The following CDK6 variants were observed in gnomAD, a reference collection of about 807,000 sequenced individuals.
The protein encoded by CDK6 is cyclin dependent kinase 6, also known as cyclin-dependent kinase 6.
Under a neutral mutation model 37.1 loss-of-function variants are expected in CDK6, and 6 were observed. The observed-to-expected ratio is 0.16, with a 90% confidence interval of 0.09 to 0.32. CDK6 has a LOEUF of 0.32. Ranked by LOEUF, CDK6 falls within the 10% of genes least tolerant of loss-of-function variation. The probability of loss-of-function intolerance (pLI) is 1.00; values close to 1 mark genes in which losing one functional copy is unlikely to be tolerated. For synonymous variants in CDK6, 160 were observed against 161.3 expected (o/e 0.99, Z 0.06); for missense variants, 224 against 418.9 (o/e 0.53, Z 4.06).
intron 4 of CDK6, among the ~76,000 whole-genome samples, chr7:92,720,812 T>A (rs2116699793): frequency 6.6e-6 from 1 of 152,288 alleles, no homozygotes; most frequent in East Asian, 1.9e-4. Context: ...GACTTAGAAA[T>A]GTTGACTTCA....
Position 92,611,291 on chromosome 7 carries a change from A to G in CDK6, c.*3849T>C, listed in dbSNP as rs1795557137. 1 of 224,790 alleles carries G rather than the reference A, an allele frequency of 4.4e-6. No homozygotes were observed. Among genetic ancestry groups the G allele is most frequent in the Non-Finnish European group, 8.8e-6 (1 of 113,132 alleles). The allele number at this position is 224,790 out of a possible 1,614,324, so 13.9% of individuals were successfully genotyped here. On this transcript the variant is annotated 3_prime_UTR_variant, in exon 8 of 8. Transcript: ENST00000424848. ...CATTCCAATATTTTCTTTCCAGGGT[A>G]AATATTCTGTAGTTTCTATACTAAC...
At chr7:92,758,654 T>C (rs1386955433) in intron 3 of CDK6, among the ~76,000 whole-genome samples, 1 of 152,206 alleles carries the variant, frequency 6.6e-6, no homozygotes, top group Non-Finnish European at 1.5e-5. Context: ...AAATAGTTTT[T>C]CTCCTAGTTC....
intron 4 of CDK6, among the ~76,000 whole-genome samples, chr7:92,672,204 C>CAG (rs1797100903): frequency 7.9e-6 from 1 of 126,676 alleles, no homozygotes; most frequent in Non-Finnish European, 1.6e-5. Context: ...CACACACACA[C>CAG]ACACACACAC....
At chr7:92,776,100 C>T (rs1009060738) in intron 2 of CDK6, among the ~76,000 whole-genome samples, 1 of 151,220 alleles carries the variant, frequency 6.6e-6, no homozygotes, top group African/African-American at 2.4e-5. Flanking sequence ...GCGATGTTCC[C>T]CTCCCTGTGT....
chr7:92,686,953 A>C lies in CDK6; in HGVS notation c.538-15418T>G, dbSNP rs183703024. Among the ~76,000 whole-genome samples the C allele has an allele frequency of 2.5e-4, 38 of 152,170 alleles. No individual in the cohort carries two copies. The East Asian group carries it at 6.7e-3, about 27-fold the overall frequency. Reference sequence around the variant, plus strand: ...AACTGTCTATTCATGTCCTTAGCCCACTTTTTCAAAGGAATGTTTGTGGTT... The same window carrying C: ...AACTGTCTATTCATGTCCTTAGCCCCCTTTTTCAAAGGAATGTTTGTGGTT... On this transcript the variant is annotated intron_variant, in intron 4 of 7. Transcript: ENST00000424848.
rs890691773 is a variant in CDK6, at chr7:92,835,812, G to T, written c.-368+666C>A. 6.6e-6 allele frequency among the ~76,000 whole-genome samples: 1 copy of T among 152,212 alleles called. No homozygotes were observed. Among genetic ancestry groups the T allele is most frequent in the Non-Finnish European group, 1.5e-5 (1 of 68,028 alleles). On this transcript the variant is annotated intron_variant, in intron 1 of 7. Transcript: ENST00000424848. The surrounding 1 kb of genome is among the most constrained non-coding windows in gnomAD (Gnocchi z 4.2). ...TGCGGGGACCAGGGCTGCTCACTGC[G>T]GGGCGTGTGTTTAACTCCAATATTT...
intron 5 of CDK6, among the ~76,000 whole-genome samples, chr7:92,626,198 G>C (rs766583613): frequency 2.1e-4 from 32 of 151,632 alleles, no homozygotes; most frequent in Non-Finnish European, 3.8e-4. Flanking sequence ...AATTGGTGCT[G>C]GGAAATACTA....
At chr7:92,807,630 CT>C (rs1269530562) in intron 2 of CDK6, among the ~76,000 whole-genome samples, 1 of 151,836 alleles carries the variant, frequency 6.6e-6, no homozygotes, top group African/African-American at 2.4e-5. Flanking sequence ...TCCACCTAAA[CT>C]TCCTGCTTGC....
intron 5 of CDK6, among the ~76,000 whole-genome samples, chr7:92,664,900 C>T (rs1796920825): frequency 6.6e-6 from 1 of 151,964 alleles, no homozygotes; most frequent in Admixed American, 6.5e-5. Context: ...ATTCTCCTGC[C>T]TCAGCCTCCC....
intron 4 of CDK6, among the ~76,000 whole-genome samples, chr7:92,677,578 T>C (rs369749462): frequency 6.6e-6 from 1 of 152,284 alleles, no homozygotes; most frequent in African/African-American, 2.4e-5. Context: ...TGTATCCCTT[T>C]AGTCTGGGTG....
chr7:92,794,474 T>C (rs2115870893), intron 2 of CDK6, among the ~76,000 whole-genome samples: 1 of 152,220 alleles, frequency 6.6e-6, no homozygotes, highest in East Asian at 1.9e-4. Flanking sequence ...TCCATCCTCA[T>C]CTTTTATTGG....
At chr7:92,822,658 A>C (rs902238062) in intron 2 of CDK6, among the ~76,000 whole-genome samples, 1 of 152,168 alleles carries the variant, frequency 6.6e-6, no homozygotes, top group African/African-American at 2.4e-5. Flanking sequence ...ACATTAATTC[A>C]TACAACTATT....
intron 4 of CDK6, among the ~76,000 whole-genome samples, chr7:92,700,745 C>T (rs1386497932): frequency 6.6e-6 from 1 of 152,162 alleles, no homozygotes; most frequent in African/African-American, 2.4e-5. Flanking sequence ...TTGAGGAAGG[C>T]AGAGGTGGGC....
At chr7:92,795,347 T>A (rs1194776547) in intron 2 of CDK6, among the ~76,000 whole-genome samples, 1 of 152,186 alleles carries the variant, frequency 6.6e-6, no homozygotes, top group East Asian at 1.9e-4. Context: ...TCTATTAACT[T>A]GTGATCCACA....
At chr7:92,747,000 T>G (rs1320202783) in intron 3 of CDK6, among the ~76,000 whole-genome samples, 1 of 152,164 alleles carries the variant, frequency 6.6e-6, no homozygotes, top group Non-Finnish European at 1.5e-5. Context: ...TCACTTCTAG[T>G]ATTGTGGCAC....
At chr7:92,829,363 AT>A (rs2116015439) in intron 2 of CDK6, among the ~76,000 whole-genome samples, 1 of 152,312 alleles carries the variant, frequency 6.6e-6, no homozygotes, top group Non-Finnish European at 1.5e-5. Context: ...CAATACTTGA[AT>A]TTGAATTGCT....
chr7:92,774,603 T>C (rs1799800391), intron 3 of CDK6, 93 bp downstream of exon 3: 3 of 1,135,492 alleles, frequency 2.6e-6, no homozygotes, highest in Non-Finnish European at 3.7e-6. Flanking sequence ...CTAAAAGTTG[T>C]AATTGTGGCA....
At chr7:92,832,580 A>T (rs1801518008) in intron 2 of CDK6, among the ~76,000 whole-genome samples, 1 of 152,160 alleles carries the variant, frequency 6.6e-6, no homozygotes, top group Non-Finnish European at 1.5e-5. Flanking sequence ...GACTGGCAAA[A>T]ATATTATGAT....
At chr7:92,648,581 C>T (rs2116552662) in intron 5 of CDK6, among the ~76,000 whole-genome samples, 1 of 152,278 alleles carries the variant, frequency 6.6e-6, no homozygotes, top group East Asian at 1.9e-4. Flanking sequence ...ATAGAACTTA[C>T]CATCTCAATA....
Sources: allele counts gnomAD v4.1 joint callset (sites outside exome capture counted in the v4.1 genomes callset), GRCh38; gene constraint gnomAD v4.1.1; non-coding constraint Gnocchi (gnomAD v3.1); transcripts MANE v1.5; gene names NCBI Gene and HGNC (gene_info 2026-07-23, HGNC 2026-07-21).